Variants in GLIS3 observed in about 807,000 individuals in gnomAD.
GLIS3 encodes zinc finger protein GLIS3.
In GLIS3, 53 loss-of-function variants were observed where a neutral mutation model predicts 78.6. That is an observed-to-expected ratio of 0.67 (90% CI 0.54 to 0.85). The LOEUF is 0.85. GLIS3 is among the 40% of genes least tolerant of loss of function. The pLI, the probability that GLIS3 is intolerant of heterozygous loss-of-function variation, is 0.00. For missense variants in GLIS3, 1,703 were observed against 1,231.1 expected, an observed-to-expected ratio of 1.38 and a Z score of -5.74; for synonymous variants, 684 against 509.9, an observed-to-expected ratio of 1.34 and a Z score of -4.60.
chr9:4,316,499 C>G (rs1472331995), intron 2 of GLIS3, among the ~76,000 whole-genome samples: 1 of 152,216 alleles, frequency 6.6e-6, no homozygotes, highest in Non-Finnish European at 1.5e-5. Flanking sequence ...AAAACAAAAT[C>G]AGTTCCTGGC....
chr9:3,875,910 C>A (rs561522987), intron 8 of GLIS3, among the ~76,000 whole-genome samples: 3 of 152,306 alleles, frequency 2.0e-5, no homozygotes, highest in Admixed American at 6.5e-5. Flanking sequence ...ACATTATCAA[C>A]CCCTATGATC....
chr9:4,276,075 G>A (rs1236200090), intron 2 of GLIS3, among the ~76,000 whole-genome samples: 1 of 151,732 alleles, frequency 6.6e-6, no homozygotes, highest in Non-Finnish European at 1.5e-5. Flanking sequence ...TTTGAGCTCA[G>A]GAGTTCAAGC....
chr9:4,353,593 G>C, the GLIS3 span, among the ~76,000 whole-genome samples: 5 of 152,120 alleles, frequency 3.3e-5, no homozygotes, highest in African/African-American at 1.2e-4. Flanking sequence ...CCTTACTGAA[G>C]AGTATCTCTC....
intron 4 of GLIS3, among the ~76,000 whole-genome samples, chr9:4,306,454 C>T (rs543969673): frequency 2.6e-5 from 4 of 152,316 alleles, no homozygotes; most frequent in African/African-American, 9.6e-5. Flanking sequence ...AGTAGTTTAT[C>T]CATTTGGTTG....
intron 4 of GLIS3, among the ~76,000 whole-genome samples, chr9:3,998,244 T>A (rs1820877872): frequency 6.6e-6 from 1 of 152,158 alleles, no homozygotes; most frequent in Non-Finnish European, 1.5e-5. Context: ...TTCCTTTGGG[T>A]AGAAAACGGT....
At position 3,969,702 on chromosome 9, in the gene GLIS3, G is replaced by A. The variant is rs558199702; in HGVS notation, c.1711-32513C>T. On this transcript the variant is annotated intron_variant, in intron 4 of 10. Transcript: ENST00000381971. Reference sequence around the variant, plus strand: ...CACTGTGAAGAACTCAGCTTGCTGTGTATGAAGCTACCAAAATAACTTGGG... The same window carrying A: ...CACTGTGAAGAACTCAGCTTGCTGTATATGAAGCTACCAAAATAACTTGGG... Among the ~76,000 whole-genome samples the A allele has an allele frequency of 4.6e-5, 7 of 152,272 alleles. No individual in the cohort carries two copies. The South Asian group carries it at 1.0e-3, about 23-fold the overall frequency.
intron 4 of GLIS3, among the ~76,000 whole-genome samples, chr9:4,011,950 T>G (rs1226306021): frequency 6.6e-6 from 1 of 152,136 alleles, no homozygotes; most frequent in Non-Finnish European, 1.5e-5. Context: ...CGATTACTTT[T>G]GGCATCAGAA....
chr9:3,979,985 G>C lies in GLIS3; in HGVS notation c.1711-42796C>G, dbSNP rs578206362. Among the ~76,000 whole-genome samples, 4 of 152,270 alleles carry C rather than the reference G, an allele frequency of 2.6e-5. No individual in the cohort carries two copies. In the East Asian group the frequency reaches 7.7e-4, roughly 29 times the overall value. ...AAGTACCATGGAAGCAGGCAAAAGAGAGGGTGGGGTGGACTTGCCGTTTAG... is the reference window on the plus strand; with the variant it reads ...AAGTACCATGGAAGCAGGCAAAAGACAGGGTGGGGTGGACTTGCCGTTTAG... On this transcript the variant is annotated intron_variant, in intron 4 of 10. Coordinates refer to ENST00000381971, the MANE Select transcript of GLIS3 (RefSeq NM_001042413.2).
At chr9:4,239,671 G>GT (rs1233734062) in intron 2 of GLIS3, among the ~76,000 whole-genome samples, 6 of 152,178 alleles carry the variant, frequency 3.9e-5, no homozygotes, top group Non-Finnish European at 5.9e-5. Flanking sequence ...TCTAAAGATT[G>GT]TTTCTGACTT....
intron 2 of GLIS3, among the ~76,000 whole-genome samples, chr9:4,284,414 C>A (rs956357046): frequency 2.0e-5 from 3 of 152,166 alleles, no homozygotes; most frequent in African/African-American, 4.8e-5. Flanking sequence ...CGGGCCTCAA[C>A]CCCTGAAAAT....
intron 4 of GLIS3, among the ~76,000 whole-genome samples, chr9:3,968,925 T>C (rs1421374268): frequency 6.6e-6 from 1 of 152,180 alleles, no homozygotes; most frequent in African/African-American, 2.4e-5. Context: ...AGTGAGCAAA[T>C]TTAAATATGA....
chr9:4,328,510 T>A (rs1283447664), intron 2 of GLIS3, among the ~76,000 whole-genome samples: 1 of 151,964 alleles, frequency 6.6e-6, no homozygotes, highest in African/African-American at 2.4e-5. Context: ...TAAACCATAA[T>A]CCCCTGACAG....
rs562810713 is a variant in GLIS3, at chr9:4,241,306, T to C, written c.388+44732A>G. 2.0e-5 allele frequency among the ~76,000 whole-genome samples: 3 copies of C among 152,330 alleles called. No individual in the cohort carries two copies. The South Asian group carries it at 6.2e-4, about 32-fold the overall frequency. On this transcript the variant is annotated intron_variant, in intron 2 of 10. Transcript: ENST00000381971. Reference sequence around the variant, plus strand: ...CAACTCTTTTTTTGCAAGACTTGTATTTTATGTTTTAAAATACAAGGCAGA... The same window carrying C: ...CAACTCTTTTTTTGCAAGACTTGTACTTTATGTTTTAAAATACAAGGCAGA...
chr9:4,408,378 C>G, the GLIS3 span, among the ~76,000 whole-genome samples: 6 of 148,394 alleles, frequency 4.0e-5, no homozygotes, highest in African/African-American at 1.5e-4. Flanking sequence ...GAGAATAGAA[C>G]GATGGTTACC....
chr9:3,932,543 A>T, intron 5 of GLIS3, 73 bp from the exon 6 acceptor site: 1 of 1,084,582 alleles, frequency 9.2e-7, no homozygotes, highest in Non-Finnish European at 1.4e-6. Flanking sequence ...TTACTCAAAG[A>T]CTATTGACTT....
intron 2 of GLIS3, among the ~76,000 whole-genome samples, chr9:4,337,882 T>C (rs138258777): frequency 3.3e-5 from 5 of 152,222 alleles, no homozygotes; most frequent in African/African-American, 9.6e-5. Flanking sequence ...ATTTGAAAGA[T>C]GAAGAAACTG....
chr9:4,170,631 A>G (rs989995923), intron 2 of GLIS3, among the ~76,000 whole-genome samples: 1 of 152,204 alleles, frequency 6.6e-6, no homozygotes, highest in Non-Finnish European at 1.5e-5. Flanking sequence ...TTCTGACCCT[A>G]AAACAGTAAG....
intron 3 of GLIS3, among the ~76,000 whole-genome samples, chr9:4,309,659 TAC>T (rs1240560178): frequency 5.9e-5 from 9 of 152,236 alleles, no homozygotes; most frequent in Non-Finnish European, 4.4e-5. Flanking sequence ...CTGATTTACA[TAC>T]ACACTCATAT....
At chr9:4,023,400 G>T (rs1823045519) in intron 4 of GLIS3, among the ~76,000 whole-genome samples, 1 of 152,124 alleles carries the variant, frequency 6.6e-6, no homozygotes, top group Admixed American at 6.5e-5. Context: ...ACACAATCTA[G>T]AGTGAGCCTG....
Sources: gnomAD v4.1 joint callset for allele counts (sites outside exome capture counted in the v4.1 genomes callset) on GRCh38, gnomAD v4.1.1 for gene constraint, MANE v1.5 for transcripts, NCBI Gene and HGNC (gene_info 2026-07-23, HGNC 2026-07-21) for gene names.